TNFAIP8: variants seen among roughly 807,000 people sequenced by gnomAD.
TNFAIP8 encodes the protein tumor necrosis factor alpha-induced protein 8.
In TNFAIP8, 7 loss-of-function variants were observed where a neutral mutation model predicts 13.3. The observed-to-expected ratio is 0.52, with a 90% CI of 0.30 to 0.99. The LOEUF (loss-of-function observed/expected upper bound fraction) is 0.99. TNFAIP8 is among the 50% of genes least tolerant of loss of function. The pLI, the probability that TNFAIP8 is intolerant of heterozygous loss-of-function variation, is 0.07. For missense variants in TNFAIP8, 258 were observed against 236.9 expected (o/e 1.09, Z -0.58); for synonymous variants, 94 against 87.6 (o/e 1.07, Z -0.41).
rs201378577 is a variant in TNFAIP8, at chr5:119,393,385, CAT to C, written c.*5_*6del. 1.6e-3 allele frequency: 2,500 copies of C among 1,608,228 alleles called. 39 individuals are homozygous for C. The African/African-American group carries it at 0.029, about 19-fold the overall frequency. On this transcript the variant is annotated 3_prime_UTR_variant, in exon 2 of 2. Coordinates refer to ENST00000504771, the MANE Select transcript of TNFAIP8 (RefSeq NM_014350.4). ...GTTGGATGAAGAGAACATATGAGCA[CAT>C]GAGTTAAGATTGTGACTGATCATGA...
At chr5:119,335,040 A>C (rs998853468) in intron 1 of TNFAIP8, among the ~76,000 whole-genome samples, 6 of 152,214 alleles carry the variant, frequency 3.9e-5, no homozygotes, top group Middle Eastern at 3.4e-3. Flanking sequence ...CTAGAAGTGA[A>C]GGGGAGGCAA....
intron 1 of TNFAIP8, among the ~76,000 whole-genome samples, chr5:119,362,731 G>T (rs1019247127): frequency 1.3e-5 from 2 of 151,926 alleles, no homozygotes; most frequent in Non-Finnish European, 2.9e-5. Context: ...GTTCAAGGCT[G>T]CAGTGAGCTA....
chr5:119,291,345 C>A (rs1031581341), intron 1 of TNFAIP8, among the ~76,000 whole-genome samples: 1 of 152,148 alleles, frequency 6.6e-6, no homozygotes, highest in African/African-American at 2.4e-5. Flanking sequence ...TGTACAGCCA[C>A]TGTTTTCGGC....
intron 1 of TNFAIP8, among the ~76,000 whole-genome samples, chr5:119,385,229 T>C (rs956260138): frequency 2.0e-5 from 3 of 152,212 alleles, no homozygotes; most frequent in African/African-American, 7.2e-5. Context: ...GCACCCAAGT[T>C]TACAACCTGG....
chr5:119,348,512 T>A (rs1425098010), intron 1 of TNFAIP8, among the ~76,000 whole-genome samples: 2 of 152,186 alleles, frequency 1.3e-5, no homozygotes, highest in African/African-American at 4.8e-5. Context: ...TAATAAAGTT[T>A]GTCAAGGCAA....
chr5:119,391,526 G>C (rs564660264), intron 1 of TNFAIP8: 5 of 671,582 alleles, frequency 7.4e-6, no homozygotes, highest in African/African-American at 5.3e-5. Flanking sequence ...TTGGGAGGCT[G>C]AGATGGGCAG....
At chr5:119,342,239 G>C (rs1395262001) in intron 1 of TNFAIP8, among the ~76,000 whole-genome samples, 3 of 152,210 alleles carry the variant, frequency 2.0e-5, no homozygotes, top group Admixed American at 6.5e-5. Context: ...TCTGGGGCTT[G>C]GTAGCCTCTC....
At chr5:119,377,185 T>C (rs1395830235) in intron 1 of TNFAIP8, among the ~76,000 whole-genome samples, 1 of 152,066 alleles carries the variant, frequency 6.6e-6, no homozygotes, top group Non-Finnish European at 1.5e-5. Context: ...GAGGATTGCT[T>C]GAGGCCAAGA....
intron 1 of TNFAIP8, among the ~76,000 whole-genome samples, chr5:119,287,669 T>C (rs1230686755): frequency 6.6e-6 from 1 of 152,202 alleles, no homozygotes; most frequent in Non-Finnish European, 1.5e-5. Context: ...CTCAGTTTTG[T>C]TATCTCTAGA....
chr5:119,342,291 G>A lies in TNFAIP8; in HGVS notation c.2-50525G>A, dbSNP rs190624772. 1.7e-4 allele frequency among the ~76,000 whole-genome samples: 26 copies of A among 152,228 alleles called. No individual in the cohort carries two copies. The East Asian group carries it at 2.5e-3, about 15-fold the overall frequency. ...GTTGTCCCCTTTAGGTTAGAGCTGC[G>A]GAACCAGCACCAGCCACTGAACATG... On this transcript the variant is annotated intron_variant, in intron 1 of 1. Transcript: ENST00000274456.
chr5:119,333,416 T>G, intron 1 of TNFAIP8: 2 of 1,362,928 alleles, frequency 1.5e-6, no homozygotes, highest in Non-Finnish European at 1.9e-6. Flanking sequence ...CTTCTGTGCA[T>G]TTATGTGGTA....
chr5:119,300,502 A>G (rs555694260), intron 1 of TNFAIP8, among the ~76,000 whole-genome samples: 1 of 152,326 alleles, frequency 6.6e-6, no homozygotes, highest in South Asian at 2.1e-4. Flanking sequence ...GCAACTTAGA[A>G]ACGATATTGC....
intron 1 of TNFAIP8, among the ~76,000 whole-genome samples, chr5:119,292,568 T>C (rs921208360): frequency 1.4e-5 from 2 of 146,148 alleles, no homozygotes; most frequent in Non-Finnish European, 3.0e-5. Flanking sequence ...CAAGTGTTAA[T>C]AGAAGATTAT....
intron 1 of TNFAIP8, among the ~76,000 whole-genome samples, chr5:119,388,814 G>T (rs6888436): frequency 4.8e-5 from 7 of 147,154 alleles, no homozygotes; most frequent in Non-Finnish European, 4.5e-5. Flanking sequence ...TTTTTTTTTT[G>T]AGTTTTTTTT....
chr5:119,292,329 AG>A (rs1749013098), intron 1 of TNFAIP8, among the ~76,000 whole-genome samples: 1 of 152,012 alleles, frequency 6.6e-6, no homozygotes, highest in African/African-American at 2.4e-5. Context: ...GAAAAAAAGA[AG>A]AATGGGCCGT....
chr5:119,357,746 C>T (rs1751485173), intron 1 of TNFAIP8, among the ~76,000 whole-genome samples: 1 of 151,760 alleles, frequency 6.6e-6, no homozygotes, highest in Admixed American at 6.6e-5. Flanking sequence ...TTCTGCAGAT[C>T]GGCCACAAAT....
At chr5:119,346,965 G>A (rs1311857879) in intron 1 of TNFAIP8, among the ~76,000 whole-genome samples, 1 of 152,204 alleles carries the variant, frequency 6.6e-6, no homozygotes, top group Non-Finnish European at 1.5e-5. Flanking sequence ...ATTGTATGGG[G>A]TCAGTATTAT....
chr5:119,399,317 A>G lies in TNFAIP8; in HGVS notation c.*5936A>G, dbSNP rs970846692. On this transcript the variant is annotated 3_prime_UTR_variant, in exon 2 of 2. Transcript: ENST00000504771. The stretch of plus-strand genomic sequence containing the variant: ...GACGTCCAGCTTCTGCCTGCCAGGG[A>G]GCTCGCTCATGTTGTCTCTGAAATT... 1 of 152,182 alleles carries G rather than the reference A, an allele frequency of 6.6e-6. No individual in the cohort carries two copies. The highest frequency in any genetic ancestry group is 1.5e-5 in the Non-Finnish European group (1 of 68,042). The allele number at this position is 152,182 out of a possible 1,614,324, so 9.4% of individuals were successfully genotyped here. A position where few individuals can be genotyped will look rare whatever the true frequency, so the allele number is the denominator to read the frequency against.
At chr5:119,317,473 G>C (rs911914408) in intron 1 of TNFAIP8, among the ~76,000 whole-genome samples, 13 of 151,378 alleles carry the variant, frequency 8.6e-5, no homozygotes, top group African/African-American at 3.2e-4. Context: ...GCTAAGAAAG[G>C]CATTTTTTAA....
Sources: gnomAD v4.1 joint callset for allele counts (sites outside exome capture counted in the v4.1 genomes callset) on GRCh38, gnomAD v4.1.1 for gene constraint, MANE v1.5 for transcripts, NCBI Gene and HGNC (gene_info 2026-07-23, HGNC 2026-07-21) for gene names.